CMC2: variants seen among roughly 807,000 people sequenced by gnomAD.
CMC2 encodes C-X9-C motif containing 2.
Under a neutral mutation model 7.5 loss-of-function variants are expected in CMC2, and 5 were observed. The ratio of observed to expected loss-of-function variants is 0.66; its 90% CI spans 0.35 to 1.40. The LOEUF (loss-of-function observed/expected upper bound fraction) is 1.40. Among genes scored for constraint, CMC2 ranks in the 40% most tolerant of loss-of-function variants. The pLI is 0.04. For synonymous variants in CMC2, 37 were observed against 31.4 expected (o/e 1.18, Z -0.60); for missense variants, 115 against 92.3 (o/e 1.25, Z -1.01).
rs181419200 is a variant in CMC2 at position 80,999,149 on chromosome 16, C to T, written c.-35-1720G>A. On this transcript the variant is annotated intron_variant, in intron 1 of 3. Coordinates refer to ENST00000219400, the MANE Select transcript of CMC2 (RefSeq NM_020188.5). ...CGAATAAGAAAAGAAGTCAAACTGTCTCTCTTCACTGACGATATGATTCTA... is the reference window on the plus strand; with the variant it reads ...CGAATAAGAAAAGAAGTCAAACTGTTTCTCTTCACTGACGATATGATTCTA... Among the ~76,000 whole-genome samples the T allele has an allele frequency of 1.3e-3, 204 of 152,272 alleles. 1 individual carries two copies. Among genetic ancestry groups the T allele is most frequent in the African/African-American group, 4.7e-3 (197 of 41,532 alleles).
intron 2 of CMC2, chr16:80,982,518 A>AAAAAG (rs1967202830): frequency 6.7e-6 from 1 of 149,008 alleles, no homozygotes; most frequent in East Asian, 1.9e-4. Context: ...TCTCAGGAAA[A>AAAAAG]AAAAAAAAAA....
At chr16:80,977,146 T>C (rs536826654) in intron 3 of CMC2, among the ~76,000 whole-genome samples, 1 of 152,316 alleles carries the variant, frequency 6.6e-6, no homozygotes, top group East Asian at 1.9e-4. Context: ...CAAGGTTTCT[T>C]CATCACGAAC....
intron 2 of CMC2, among the ~76,000 whole-genome samples, chr16:80,996,554 T>C (rs781663211): frequency 1.3e-5 from 2 of 152,224 alleles, no homozygotes; most frequent in East Asian, 3.8e-4. Context: ...GACTTCACAT[T>C]TTATAAGCAC....
chr16:80,980,753 G>A, intron 3 of CMC2: 1 of 678,842 alleles, frequency 1.5e-6, no homozygotes, highest in South Asian at 1.6e-5. Flanking sequence ...ACCTTAACCA[G>A]GCATGGTGGT....
intron 1 of CMC2, among the ~76,000 whole-genome samples, chr16:81,002,462 C>T (rs1968937489): frequency 6.6e-6 from 1 of 152,144 alleles, no homozygotes; most frequent in African/African-American, 2.4e-5. Context: ...CTGGTTTAAT[C>T]ACTAGAAAAT....
At chr16:80,995,028 C>T (rs1266291603) in intron 2 of CMC2, among the ~76,000 whole-genome samples, 2 of 152,050 alleles carry the variant, frequency 1.3e-5, no homozygotes, top group African/African-American at 4.8e-5. Context: ...CACCTGTAAT[C>T]CCAGCTCCTC....
chr16:81,005,484 G>A (rs57808460), intron 1 of CMC2, among the ~76,000 whole-genome samples: 5,295 of 84,102 alleles, frequency 0.063, 308 homozygotes, highest in African/African-American at 0.15. Context: ...TTTCGGCCCT[G>A]GTATTAAAGA....
Position 80,971,599 on chromosome 16 carries a change from C to CATATATATATATATATAT in CMC2, c.*4493_*4494insATATATATATATATATAT, listed in dbSNP as rs947816734. The CATATATATATATATATAT allele has an allele frequency of 3.6e-4, 41 of 113,216 alleles. No individual in the cohort carries two copies. Among genetic ancestry groups the CATATATATATATATATAT allele is most frequent in the African/African-American group, 1.8e-3 (40 of 21,844 alleles). 7.0% of individuals were successfully genotyped at this position (113,216 alleles called of 1,614,324 possible). Reference sequence around the variant, plus strand: ...ATATATATATATGTATGAAATCATGCATATATATATATGTATGAAATCATG... The same window carrying CATATATATATATATATAT: ...ATATATATATATGTATGAAATCATGCATATATATATATATATATATATATATATATGTATGAAATCATG... On this transcript the variant is annotated 3_prime_UTR_variant, in exon 4 of 4. Coordinates refer to ENST00000219400, the MANE Select transcript of CMC2 (RefSeq NM_020188.5).
intron 2 of CMC2, among the ~76,000 whole-genome samples, chr16:80,986,917 A>T (rs1016030791): frequency 4.6e-5 from 7 of 152,220 alleles, no homozygotes; most frequent in African/African-American, 1.7e-4. Flanking sequence ...AAAGCGAATG[A>T]TTTTTTGCAG....
rs138410810 is a variant in CMC2 at position 81,006,020 on chromosome 16, T to C, written c.-36+714A>G. On this transcript the variant is annotated intron_variant, in intron 1 of 3. Transcript: ENST00000219400. Reference sequence around the variant, plus strand: ...TAAACAAGTGCAAAAGCCATACATATAAAGGAGAGGAGATACGAATGGCAT... The same window carrying C: ...TAAACAAGTGCAAAAGCCATACATACAAAGGAGAGGAGATACGAATGGCAT... Among the ~76,000 whole-genome samples, 432 of 152,258 alleles carry C rather than the reference T, an allele frequency of 2.8e-3. 4 individuals carry two copies. Among genetic ancestry groups the C allele is most frequent in the African/African-American group, 9.9e-3 (412 of 41,536 alleles).
At chr16:80,998,149 C>T (rs1449667034) in intron 1 of CMC2, 1 of 149,344 alleles carries the variant, frequency 6.7e-6, no homozygotes, top group Non-Finnish European at 1.5e-5. Context: ...CTATGTTGCC[C>T]AGGCTGGTTT....
Position 80,972,578 on chromosome 16 carries a change from T to C in CMC2, c.*3515A>G, listed in dbSNP as rs1912007209. ...AGCCTCACTCTTAAGTAAAATTGTG[T>C]AGTGCTTCCTAAAATAAACCATTAA... is the stretch of plus-strand genomic sequence containing the variant. On this transcript the variant is annotated 3_prime_UTR_variant, in exon 4 of 4. Coordinates refer to ENST00000219400, the MANE Select transcript of CMC2 (RefSeq NM_020188.5). 6.6e-6 allele frequency: 1 copy of C among 152,212 alleles called. No homozygotes were observed. The highest frequency in any genetic ancestry group is 2.1e-4 in the South Asian group (1 of 4,828). 9.4% of individuals were successfully genotyped at this position (152,212 alleles called of 1,614,324 possible). A position where few individuals can be genotyped will look rare whatever the true frequency, so the allele number is the denominator to read the frequency against.
At chr16:81,005,785 G>A (rs1047678474) in intron 1 of CMC2, among the ~76,000 whole-genome samples, 1 of 152,156 alleles carries the variant, frequency 6.6e-6, no homozygotes, top group Non-Finnish European at 1.5e-5. Flanking sequence ...GGACTTACAA[G>A]GTGCCTAGCA....
chr16:80,987,567 G>A (rs1406326149), intron 2 of CMC2, among the ~76,000 whole-genome samples: 1 of 152,136 alleles, frequency 6.6e-6, no homozygotes, highest in African/African-American at 2.4e-5. Flanking sequence ...AAGTCTTGCT[G>A]ACAAATTTAG....
chr16:80,979,244 C>T (rs1029757293), intron 3 of CMC2, among the ~76,000 whole-genome samples: 4 of 152,062 alleles, frequency 2.6e-5, no homozygotes, highest in Non-Finnish European at 4.4e-5. Flanking sequence ...AAAACATCTA[C>T]AAATTAGAGA....
chr16:80,996,997 G>C (rs919843940), intron 2 of CMC2: 2 of 472,036 alleles, frequency 4.2e-6, no homozygotes, highest in Admixed American at 2.6e-5. Flanking sequence ...AAGTGTCAGC[G>C]CTGAATATAA....
intron 3 of CMC2, among the ~76,000 whole-genome samples, chr16:80,979,074 C>G (rs1966898471): frequency 6.7e-6 from 1 of 149,604 alleles, no homozygotes; most frequent in Admixed American, 6.7e-5. Flanking sequence ...GAGTGAGACT[C>G]TGGCAAAAAA....
chr16:80,998,939 C>T (rs1306783170), intron 1 of CMC2: 1 of 94,258 alleles, frequency 1.1e-5, no homozygotes, highest in East Asian at 2.8e-4. Flanking sequence ...CACTGAAGAA[C>T]ATACCTCAAA....
chr16:80,980,971 C>A, intron 3 of CMC2: 4 of 451,706 alleles, frequency 8.9e-6, no homozygotes, highest in South Asian at 3.4e-5. Context: ...GTGAATGTCA[C>A]AATTTAAAGG....
Sources: allele counts gnomAD v4.1 joint callset (sites outside exome capture counted in the v4.1 genomes callset), GRCh38; gene constraint gnomAD v4.1.1; transcripts MANE v1.5; gene names NCBI Gene and HGNC (gene_info 2026-07-23, HGNC 2026-07-21).